Variants in PIK3CB observed in about 807,000 individuals in gnomAD.
The protein encoded by PIK3CB is phosphatidylinositol 4,5-bisphosphate 3-kinase catalytic subunit beta isoform.
PIK3CB carries 39 observed loss-of-function variants against 136.8 expected under a neutral mutation model. That is an observed-to-expected ratio of 0.29 (90% confidence interval 0.22 to 0.37). The LOEUF is 0.37. Among genes scored for constraint, PIK3CB ranks in the 10% least tolerant of loss-of-function variants. PIK3CB has a pLI of 1.00. For missense variants in PIK3CB, 868 were observed against 1,275.4 expected (o/e 0.68, Z 4.87); for synonymous variants, 428 against 436.6 (o/e 0.98, Z 0.25).
chr3:138,684,085 A>C (rs2043834962), intron 17 of PIK3CB, among the ~76,000 whole-genome samples: 1 of 152,234 alleles, frequency 6.6e-6, no homozygotes, highest in African/African-American at 2.4e-5. Flanking sequence ...TATTACATTT[A>C]GTGAATAAAA....
intron 21 of PIK3CB, among the ~76,000 whole-genome samples, chr3:138,660,527 G>C (rs1176835611): frequency 6.6e-6 from 1 of 152,070 alleles, no homozygotes; most frequent in Non-Finnish European, 1.5e-5. Context: ...TTAAATGTCT[G>C]CTAATCCAGT....
At chr3:138,832,599 G>T (rs1211934415) in intron 1 of PIK3CB, among the ~76,000 whole-genome samples, 1 of 151,710 alleles carries the variant, frequency 6.6e-6, no homozygotes, top group Non-Finnish European at 1.5e-5. Flanking sequence ...AGGCCGAGGC[G>T]GGCGGATACC....
chr3:138,816,739 C>G (rs1290523272), intron 1 of PIK3CB, among the ~76,000 whole-genome samples: 1 of 152,076 alleles, frequency 6.6e-6, no homozygotes, highest in African/African-American at 2.4e-5. Flanking sequence ...CAAATGGTAT[C>G]AAGAATTCTG....
At chr3:138,708,020 C>A (rs1236533864) in intron 10 of PIK3CB, among the ~76,000 whole-genome samples, 2 of 152,042 alleles carry the variant, frequency 1.3e-5, no homozygotes, top group Non-Finnish European at 2.9e-5. Flanking sequence ...GGTGTACAAT[C>A]TAAGATCCTC....
intron 12 of PIK3CB, among the ~76,000 whole-genome samples, chr3:138,701,644 G>A (rs2044255304): frequency 6.6e-6 from 1 of 151,856 alleles, no homozygotes; most frequent in African/African-American, 2.4e-5. Flanking sequence ...AATTAGCTGG[G>A]CATGGTGGCG....
chr3:138,783,317 T>A (rs1389739854), intron 2 of PIK3CB, among the ~76,000 whole-genome samples: 2 of 151,608 alleles, frequency 1.3e-5, no homozygotes, highest in Admixed American at 1.3e-4. Context: ...AGTCCCACTC[T>A]GCCACCCAGG....
chr3:138,674,201 C>T (rs1282393225), intron 19 of PIK3CB, among the ~76,000 whole-genome samples: 1 of 151,718 alleles, frequency 6.6e-6, no homozygotes, highest in Non-Finnish European at 1.5e-5. Context: ...ATTGTGGATT[C>T]CCAGGTCTGT....
chr3:138,767,101 G>A (rs911008882), intron 2 of PIK3CB, among the ~76,000 whole-genome samples: 4 of 152,112 alleles, frequency 2.6e-5, no homozygotes, highest in African/African-American at 9.7e-5. Flanking sequence ...TTGAACCTGG[G>A]AGGCAGAAGT....
rs71146142 is a variant in PIK3CB at position 138,788,656 on chromosome 3, CAAAAAAAAAAAA to C, written c.-17+7795_-17+7806del. Among the ~76,000 whole-genome samples the C allele has an allele frequency of 3.4e-4, 13 of 37,728 alleles. No individual in the cohort carries two copies. The South Asian group carries it at 7.6e-3, about 22-fold the overall frequency. The allele number at this position is 37,728 out of a possible 152,430, so 24.8% of individuals were successfully genotyped here. On this transcript the variant is annotated intron_variant, in intron 2 of 23. Transcript: ENST00000674063. ...TGGGTGACAGAGCAAGACTTTGTCTCAAAAAAAAAAAAAAAAAAAAAAAAGGCCAGGGGCGGT... is the reference window on the plus strand; with the variant it reads ...TGGGTGACAGAGCAAGACTTTGTCTCAAAAAAAAAAAAGGCCAGGGGCGGT...
At chr3:138,746,489 T>A (rs1368854730) in intron 4 of PIK3CB, among the ~76,000 whole-genome samples, 1 of 151,866 alleles carries the variant, frequency 6.6e-6, no homozygotes, top group African/African-American at 2.4e-5. Flanking sequence ...TGAAACCCCA[T>A]CTCTACTAAA....
intron 10 of PIK3CB, among the ~76,000 whole-genome samples, chr3:138,707,995 G>A (rs147212421): frequency 1.3e-5 from 2 of 152,100 alleles, no homozygotes; most frequent in South Asian, 2.1e-4. Flanking sequence ...AACTCATGAT[G>A]AGAAAATAGA....
chr3:138,816,027 T>C (rs1212629900), intron 1 of PIK3CB, among the ~76,000 whole-genome samples: 3 of 152,198 alleles, frequency 2.0e-5, no homozygotes, highest in Non-Finnish European at 2.9e-5. Flanking sequence ...GTGGGTTGGG[T>C]GCAATGGCTC....
rs564912943 is a variant in PIK3CB, at chr3:138,813,862, G to T, written c.-121-17295C>A. Among the ~76,000 whole-genome samples, 3 of 152,204 alleles carry T rather than the reference G, an allele frequency of 2.0e-5. No individual in the cohort carries two copies. The South Asian group carries it at 6.2e-4, about 32-fold the overall frequency. On this transcript the variant is annotated intron_variant, in intron 1 of 23. Coordinates refer to ENST00000674063, the MANE Select transcript of PIK3CB (RefSeq NM_006219.3). ...TTAGATATGAGCATTCCAAAGAAAT[G>T]GGGTAAAAGCTAACAAAGGTGTAAG...
In PIK3CB at chr3:138,693,966, T is replaced by TATATATATATATATATA. The variant is rs1457395869; in HGVS notation, c.1892+819_1892+820insTATATATATATATATAT. On this transcript the variant is annotated intron_variant, in intron 14 of 23. Transcript: ENST00000674063. ...ATATATATATATATATATATATATA[T>TATATATATATATATATA]TATATATATATATATATATATATAT... Among the ~76,000 whole-genome samples the TATATATATATATATATA allele has an allele frequency of 4.7e-4, 20 of 42,390 alleles. 2 individuals are homozygous for TATATATATATATATATA. The highest frequency in any genetic ancestry group is 2.6e-3 in the East Asian group (1 of 388). 27.8% of individuals were successfully genotyped at this position (42,390 alleles called of 152,430 possible). A position where few individuals can be genotyped will look rare whatever the true frequency, so the allele number is the denominator to read the frequency against.
In PIK3CB at chr3:138,656,405, T is replaced by C. The variant is rs534930657; in HGVS notation, c.2943-131A>G. 4.3e-6 allele frequency: 4 copies of C among 938,460 alleles called. No individual in the cohort carries two copies. The African/African-American group carries it at 5.0e-5, about 12-fold the overall frequency. The allele number at this position is 938,460 out of a possible 1,614,324, so 58.1% of individuals were successfully genotyped here. ...AAATTCCTACTGAACTAAAGGTTCA[T>C]TTCTGATTTTTACTTCTGCGAAAAT... On this transcript the variant is annotated intron_variant, in intron 22 of 23. Coordinates refer to ENST00000674063, the MANE Select transcript of PIK3CB (RefSeq NM_006219.3).
At chr3:138,700,522 A>G (rs2044227827) in intron 12 of PIK3CB, among the ~76,000 whole-genome samples, 1 of 152,130 alleles carries the variant, frequency 6.6e-6, no homozygotes, top group Non-Finnish European at 1.5e-5. Context: ...ACAGTAACTA[A>G]TTACAAATCA....
intron 1 of PIK3CB, among the ~76,000 whole-genome samples, chr3:138,808,364 C>T (rs866254070): frequency 1.4e-4 from 21 of 152,118 alleles, no homozygotes; most frequent in South Asian, 4.1e-4. Context: ...GGTGCAGTGG[C>T]ATACACCTGT....
rs779039640 is a variant in PIK3CB at position 138,655,568 on chromosome 3, T to C, written c.3076-42A>G. The C allele has an allele frequency of 2.6e-6, 4 of 1,510,500 alleles. No individual in the cohort carries two copies. In the East Asian group the frequency reaches 6.8e-5, roughly 26 times the overall value. 93.6% of individuals were successfully genotyped at this position (1,510,500 alleles called of 1,614,324 possible). On this transcript the variant is annotated intron_variant, in intron 23 of 23. Transcript: ENST00000674063. ...AAAATATGATTTTATATAACTTTAG[T>C]AGAGATGTGCAAATATCAAAGTCTG... is the stretch of plus-strand genomic sequence containing the variant.
At chr3:138,795,501 C>T (rs1170444908) in intron 2 of PIK3CB, among the ~76,000 whole-genome samples, 2 of 151,592 alleles carry the variant, frequency 1.3e-5, no homozygotes. Flanking sequence ...CGAGGTGGCA[C>T]ACGCCTGTAG....
Sources: gnomAD v4.1 joint callset for allele counts (sites outside exome capture counted in the v4.1 genomes callset) on GRCh38, gnomAD v4.1.1 for gene constraint, MANE v1.5 for transcripts, NCBI Gene and HGNC (gene_info 2026-07-23, HGNC 2026-07-21) for gene names.